DAB1: variants seen among roughly 807,000 people sequenced by gnomAD.
The protein encoded by DAB1 is DAB adaptor protein 1, also known as disabled homolog 1.
A neutral mutation model predicts 64.6 loss-of-function variants in DAB1; 15 were observed. That is an observed-to-expected ratio of 0.23 (90% CI 0.16 to 0.36). The LOEUF (loss-of-function observed/expected upper bound fraction) is 0.36. Ranked by LOEUF, DAB1 falls within the 10% of genes least tolerant of loss-of-function variation. The pLI, the probability that DAB1 is intolerant of heterozygous loss-of-function variation, is 1.00. For missense variants in DAB1, 596 were observed against 706.7 expected (o/e 0.84, Z 1.78); for synonymous variants, 235 against 251.9 (o/e 0.93, Z 0.64).
At chr1:57,618,535 T>C (rs1305997497) in intron 7 of DAB1, among the ~76,000 whole-genome samples, 1 of 152,058 alleles carries the variant, frequency 6.6e-6, no homozygotes, top group Admixed American at 6.6e-5. Context: ...TACTTTGCTT[T>C]TACATTTGAG....
At chr1:57,658,997 C>T (rs926107428) in intron 6 of DAB1, among the ~76,000 whole-genome samples, 1 of 152,168 alleles carries the variant, frequency 6.6e-6, no homozygotes, top group Non-Finnish European at 1.5e-5. Context: ...CTGGGAACCC[C>T]AGTCCCATCC....
chr1:58,501,311 A>G (rs893391197), intron 3 of DAB1, among the ~76,000 whole-genome samples: 2 of 152,128 alleles, frequency 1.3e-5, no homozygotes, highest in Non-Finnish European at 2.9e-5. Context: ...GAACTCATCT[A>G]TTTTCTGAAC....
chr1:57,396,390 ATTTTG>A (rs746076380), intron 1 of DAB1, among the ~76,000 whole-genome samples: 1 of 151,906 alleles, frequency 6.6e-6, no homozygotes, highest in East Asian at 1.9e-4. Context: ...TGTTTTGGTT[ATTTTG>A]TTTTGTTTTA....
chr1:58,312,200 G>A (rs1201295034), intron 4 of DAB1, among the ~76,000 whole-genome samples: 2 of 152,202 alleles, frequency 1.3e-5, no homozygotes, highest in African/African-American at 2.4e-5. Context: ...CATCCTAAGA[G>A]AGCAGGGCGA....
At chr1:57,548,246 C>T (rs1253844429) in intron 7 of DAB1, among the ~76,000 whole-genome samples, 1 of 152,158 alleles carries the variant, frequency 6.6e-6, no homozygotes, top group Non-Finnish European at 1.5e-5. Flanking sequence ...CTTACAACCA[C>T]ACTCTGCAAC....
intron 2 of DAB1, among the ~76,000 whole-genome samples, chr1:57,267,958 C>T (rs1670714492): frequency 1.3e-5 from 2 of 152,112 alleles, no homozygotes; most frequent in South Asian, 2.1e-4. Flanking sequence ...TTCCAACTCC[C>T]CACAGGGTTT....
At chr1:58,430,368 T>C (rs1254671486) in intron 3 of DAB1, among the ~76,000 whole-genome samples, 1 of 152,112 alleles carries the variant, frequency 6.6e-6, no homozygotes, top group African/African-American at 2.4e-5. Flanking sequence ...TGGCATTTGA[T>C]TGGGTCTGGA....
intron 3 of DAB1, among the ~76,000 whole-genome samples, chr1:58,395,929 CG>C (rs1245659701): frequency 6.6e-6 from 1 of 152,068 alleles, no homozygotes; most frequent in Non-Finnish European, 1.5e-5. Context: ...GAATTGATTA[CG>C]GTTGTTATTC....
intron 3 of DAB1, among the ~76,000 whole-genome samples, chr1:58,349,745 G>T (rs1644033773): frequency 6.6e-6 from 1 of 152,102 alleles, no homozygotes; most frequent in Admixed American, 6.5e-5. Flanking sequence ...TGCTGAGAAT[G>T]ATGGTTTCCA....
At chr1:57,235,725 A>C (rs1044584931) in intron 2 of DAB1, among the ~76,000 whole-genome samples, 26 of 151,352 alleles carry the variant, frequency 1.7e-4, no homozygotes, top group Middle Eastern at 6.8e-3. Context: ...AAAAAAAAAC[A>C]AGCTTCCTGC....
At position 57,672,631 on chromosome 1, in the gene DAB1, G is replaced by T. The variant is rs369096232; in HGVS notation, n.552-22966C>A. ...GGTAGTCACAGTAAGTTAAAATCAG[G>T]TTTTATCCTTCCAATTAAATGGAAT... On this transcript the variant is annotated intron_variant and non_coding_transcript_variant, in intron 6 of 20. Coordinates refer to the DAB1 transcript ENST00000485760. 5.3e-5 allele frequency among the ~76,000 whole-genome samples: 8 copies of T among 152,066 alleles called. No homozygotes were observed. The South Asian group carries it at 1.5e-3, about 28-fold the overall frequency.
At chr1:58,178,041 A>G (rs1327692766) in intron 4 of DAB1, among the ~76,000 whole-genome samples, 1 of 152,178 alleles carries the variant, frequency 6.6e-6, no homozygotes, top group Non-Finnish European at 1.5e-5. Flanking sequence ...GGCCTTTGAA[A>G]TAGAAAGTGT....
chr1:57,568,283 A>G lies in DAB1; in HGVS notation n.625+81309T>C, dbSNP rs891434309. ...CTTATACAAAAATTAATTCAAGATG[A>G]ATTAAAGACTTAATTGTTAGACCTA... is the stretch of plus-strand genomic sequence containing the variant. On this transcript the variant is annotated intron_variant and non_coding_transcript_variant, in intron 7 of 20. Transcript: ENST00000485760. 5.9e-5 allele frequency among the ~76,000 whole-genome samples: 9 copies of G among 152,298 alleles called. No individual in the cohort carries two copies. The East Asian group carries it at 7.7e-4, about 13-fold the overall frequency.
chr1:57,851,530 T>C (rs1163943486), intron 1 of DAB1, among the ~76,000 whole-genome samples: 1 of 152,206 alleles, frequency 6.6e-6, no homozygotes. Flanking sequence ...GCTGCAGGGC[T>C]GCTGAGCAGA....
chr1:57,555,606 T>C (rs1644979226), intron 7 of DAB1, among the ~76,000 whole-genome samples: 1 of 152,190 alleles, frequency 6.6e-6, no homozygotes, highest in Admixed American at 6.5e-5. Flanking sequence ...GGTGCTGTGC[T>C]CACTCTGGGC....
chr1:58,044,167 T>C (rs1332259057), intron 5 of DAB1, among the ~76,000 whole-genome samples: 1 of 152,230 alleles, frequency 6.6e-6, no homozygotes, highest in African/African-American at 2.4e-5. Context: ...TATGTATTAC[T>C]AATTTGAGGC....
At chr1:58,319,895 C>T (rs758157466) in intron 4 of DAB1, among the ~76,000 whole-genome samples, 1 of 152,190 alleles carries the variant, frequency 6.6e-6, no homozygotes, top group Non-Finnish European at 1.5e-5. Context: ...TAGATCATGA[C>T]AGCCTCAGTG....
At chr1:57,089,942 A>G (rs1653487742) in intron 4 of DAB1, among the ~76,000 whole-genome samples, 1 of 152,324 alleles carries the variant, frequency 6.6e-6, no homozygotes, top group East Asian at 1.9e-4. Context: ...AATACGAGGC[A>G]GATAAGAATG....
intron 4 of DAB1, among the ~76,000 whole-genome samples, chr1:58,221,872 G>A (rs554747302): frequency 3.9e-5 from 6 of 152,314 alleles, no homozygotes; most frequent in Non-Finnish European, 5.9e-5. Context: ...TCATGAAAAT[G>A]TTCCTGTTCT....
Sources: gnomAD v4.1 joint callset for allele counts (sites outside exome capture counted in the v4.1 genomes callset) on GRCh38, gnomAD v4.1.1 for gene constraint, MANE v1.5 for transcripts, NCBI Gene and HGNC (gene_info 2026-07-23, HGNC 2026-07-21) for gene names.